Variants in ZBTB8A observed in about 807,000 individuals in gnomAD.
ZBTB8A encodes zinc finger and BTB domain-containing protein 8A.
Under a neutral mutation model 37.8 loss-of-function variants are expected in ZBTB8A, and 19 were observed. The ratio of observed to expected loss-of-function variants is 0.50; its 90% confidence interval spans 0.35 to 0.74. ZBTB8A has a LOEUF of 0.74. Ranked by LOEUF, ZBTB8A falls within the 30% of genes least tolerant of loss-of-function variation. ZBTB8A has a pLI of 0.01. For missense variants in ZBTB8A, 394 were observed against 537.8 expected (o/e 0.73, Z 2.65); for synonymous variants, 181 against 185.2 (o/e 0.98, Z 0.19).
intron 2 of ZBTB8A, among the ~76,000 whole-genome samples, chr1:32,559,665 A>G (rs961094031): frequency 6.6e-6 from 1 of 151,892 alleles, no homozygotes; most frequent in Admixed American, 6.6e-5. Context: ...GGGTTTCGCC[A>G]TGTTGCCCAG....
At chr1:32,567,704 A>G (rs1316754156) in intron 2 of ZBTB8A, among the ~76,000 whole-genome samples, 2 of 139,268 alleles carry the variant, frequency 1.4e-5, no homozygotes, top group Non-Finnish European at 3.1e-5. Flanking sequence ...AGGCAGGAGA[A>G]TGGCGTGAAC....
intron 1 of ZBTB8A, among the ~76,000 whole-genome samples, chr1:32,543,800 C>T (rs1392577137): frequency 3.3e-5 from 5 of 152,018 alleles, no homozygotes; most frequent in African/African-American, 1.2e-4. Flanking sequence ...CCTCAGCCTC[C>T]CGAGTAGCTG....
At chr1:32,575,766 C>G (rs1644355557) in intron 2 of ZBTB8A, among the ~76,000 whole-genome samples, 1 of 151,838 alleles carries the variant, frequency 6.6e-6, no homozygotes, top group South Asian at 2.1e-4. Context: ...GTGGGAGGAT[C>G]ACTTGAGGCC....
rs187839073 is a variant in ZBTB8A, at chr1:32,544,410, C to T, written c.-84+4838C>T. Among the ~76,000 whole-genome samples, 327 of 152,296 alleles carry T rather than the reference C, an allele frequency of 2.1e-3. 3 individuals are homozygous for T. The highest frequency in any genetic ancestry group is 7.5e-3 in the African/African-American group (310 of 41,570). On this transcript the variant is annotated intron_variant, in intron 1 of 4. Transcript: ENST00000373510. ...TTGTGTATCTAAACATATCTAAACA[C>T]AGGAAAGCTGGGCACAGTGGCTCAC...
chr1:32,544,467 G>A (rs1644085593), intron 1 of ZBTB8A, among the ~76,000 whole-genome samples: 1 of 152,258 alleles, frequency 6.6e-6, no homozygotes, highest in African/African-American at 2.4e-5. Flanking sequence ...GGAGCCCAAG[G>A]TGGGTGGATC....
In ZBTB8A at chr1:32,600,897, A is replaced by G. The variant is rs181512355; in HGVS notation, c.*478A>G. 2 of 155,330 alleles carry G rather than the reference A, an allele frequency of 1.3e-5. No homozygotes were observed. Among genetic ancestry groups the G allele is most frequent in the East Asian group, 3.8e-4 (2 of 5,244 alleles). 9.6% of individuals were successfully genotyped at this position (155,330 alleles called of 1,614,324 possible). ...TAAGGATCTGGCAACCCACCTTACT[A>G]AACAAATTAGTCTTTCTATTAATTT... On this transcript the variant is annotated 3_prime_UTR_variant, in exon 5 of 5. Transcript: ENST00000373510.
chr1:32,552,887 T>C (rs948528158), intron 1 of ZBTB8A, among the ~76,000 whole-genome samples: 24 of 148,026 alleles, frequency 1.6e-4, no homozygotes, highest in African/African-American at 5.4e-4. Flanking sequence ...ATTAATGATT[T>C]ATTTATATTG....
chr1:32,587,783 G>C (rs764828414), intron 2 of ZBTB8A, among the ~76,000 whole-genome samples: 9 of 152,014 alleles, frequency 5.9e-5, no homozygotes, highest in Non-Finnish European at 1.2e-4. Context: ...CAGCCTCTAG[G>C]TAGCTTCAGG....
chr1:32,539,719 C>T (rs951162344), intron 1 of ZBTB8A, 147 bp downstream of exon 1: 4 of 147,052 alleles, frequency 2.7e-5, no homozygotes, highest in African/African-American at 9.8e-5. Flanking sequence ...CAGACGTCCC[C>T]GGGCCGGGAG....
chr1:32,548,045 A>T (rs1423978605), intron 1 of ZBTB8A, among the ~76,000 whole-genome samples: 1 of 149,716 alleles, frequency 6.7e-6, no homozygotes, highest in Non-Finnish European at 1.5e-5. Flanking sequence ...AGACAGTAGA[A>T]TCACTTGAAC....
intron 2 of ZBTB8A, among the ~76,000 whole-genome samples, chr1:32,584,456 CCAAT>C (rs976262993): frequency 3.3e-5 from 5 of 151,416 alleles, no homozygotes; most frequent in African/African-American, 9.7e-5. Flanking sequence ...CAAAAGGGCA[CCAAT>C]CAAACTCCTA....
intron 3 of ZBTB8A, 60 bp downstream of exon 3, chr1:32,593,814 T>C: frequency 7.5e-7 from 1 of 1,336,036 alleles, no homozygotes; most frequent in Admixed American, 2.3e-5. Flanking sequence ...TTAATCAGTC[T>C]ACTGTCAAAA....
intron 2 of ZBTB8A, among the ~76,000 whole-genome samples, chr1:32,557,130 C>T (rs1224089397): frequency 2.0e-5 from 3 of 151,122 alleles, no homozygotes; most frequent in African/African-American, 2.4e-5. Flanking sequence ...AGTGAAACCC[C>T]GTCTCTACTA....
At chr1:32,566,050 A>C (rs199884454) in intron 2 of ZBTB8A, among the ~76,000 whole-genome samples, 1 of 152,166 alleles carries the variant, frequency 6.6e-6, no homozygotes, top group East Asian at 1.9e-4. Flanking sequence ...AAATACAAAA[A>C]AATTAGCCAG....
At chr1:32,592,233 A>G (rs1172823677) in intron 2 of ZBTB8A, among the ~76,000 whole-genome samples, 1 of 152,150 alleles carries the variant, frequency 6.6e-6, no homozygotes, top group East Asian at 1.9e-4. Flanking sequence ...TCTTAATGGA[A>G]TAAAAGAGGC....
chr1:32,551,354 C>T (rs1026704979), intron 1 of ZBTB8A, among the ~76,000 whole-genome samples: 1 of 151,868 alleles, frequency 6.6e-6, no homozygotes, highest in African/African-American at 2.4e-5. Flanking sequence ...CCTGAGAGGT[C>T]AGGGCCATAA....
In ZBTB8A at chr1:32,593,718, G is replaced by T; in HGVS notation, c.787G>T (p.Gly263Cys). 6.2e-7 allele frequency: 1 copy of T among 1,613,750 alleles called. No homozygotes were observed. Among genetic ancestry groups the T allele is most frequent in the Non-Finnish European group, 8.5e-7 (1 of 1,179,886 alleles). The change falls in exon 3 of 5, where the codon GGT becomes TGT. Residue 263 changes from glycine (G) to cysteine (C), a missense_variant. Gly to Cys is a radical substitution (Grantham distance 159, BLOSUM62 -3). This residue lies in a region of ZBTB8A where 171 missense variants were observed against 186.8 expected (regional missense o/e 0.92). Transcript: ENST00000373510. Reference sequence around the variant, plus strand: ...CTCTACTCCTGTTGGCTATCAGTACGGTCAAGGATCTGATGTCACATCCAA... The same window carrying T: ...CTCTACTCCTGTTGGCTATCAGTACTGTCAAGGATCTGATGTCACATCCAA... ...MDSTPVGYQY[G>C]QGSDVTSKSF...
At chr1:32,578,780 C>A (rs775811700) in intron 2 of ZBTB8A, among the ~76,000 whole-genome samples, 4 of 151,978 alleles carry the variant, frequency 2.6e-5, no homozygotes, top group Non-Finnish European at 4.4e-5. Context: ...CAGGTGTGAT[C>A]ATAGCGCGCT....
At chr1:32,573,865 G>C (rs889891769) in intron 2 of ZBTB8A, among the ~76,000 whole-genome samples, 4 of 150,392 alleles carry the variant, frequency 2.7e-5, no homozygotes, top group Non-Finnish European at 5.9e-5. Flanking sequence ...ACCTGAGGTC[G>C]GGAGTTCGAG....
Sources: allele counts gnomAD v4.1 joint callset (sites outside exome capture counted in the v4.1 genomes callset), GRCh38; gene constraint gnomAD v4.1.1; regional missense constraint gnomAD v4.1.1; transcripts MANE v1.5; gene names NCBI Gene and HGNC (gene_info 2026-07-23, HGNC 2026-07-21).